Variants in ESRRG observed in about 807,000 individuals in gnomAD.
The protein encoded by ESRRG is estrogen related receptor gamma.
A neutral mutation model predicts 44.0 loss-of-function variants in ESRRG; 13 were observed. The ratio of observed to expected loss-of-function variants is 0.30; its 90% confidence interval spans 0.19 to 0.47. The LOEUF (loss-of-function observed/expected upper bound fraction) is 0.47. Among genes scored for constraint, ESRRG ranks in the 20% least tolerant of loss-of-function variants. The probability of loss-of-function intolerance (pLI) is 1.00; values close to 1 mark genes in which losing one functional copy is unlikely to be tolerated. For missense variants in ESRRG, 395 were observed against 580.6 expected, an observed-to-expected ratio of 0.68 and a Z score of 3.29; for synonymous variants, 215 against 214.6, an observed-to-expected ratio of 1.00 and a Z score of -0.02.
chr1:216,755,988 C>T (rs773259583), intron 2 of ESRRG, among the ~76,000 whole-genome samples: 1 of 151,992 alleles, frequency 6.6e-6, no homozygotes, highest in Non-Finnish European at 1.5e-5. Context: ...CTAACTTTCC[C>T]CCAGAAACCT....
chr1:216,590,932 A>G (rs2057548444), intron 3 of ESRRG, among the ~76,000 whole-genome samples: 1 of 152,176 alleles, frequency 6.6e-6, no homozygotes, highest in African/African-American at 2.4e-5. Context: ...CAACCCTGCG[A>G]TAAGGTGATG....
At chr1:216,516,551 AC>A (rs2044314752) in intron 6 of ESRRG, among the ~76,000 whole-genome samples, 1 of 151,868 alleles carries the variant, frequency 6.6e-6, no homozygotes, top group African/African-American at 2.4e-5. Context: ...AAGCTAAGAT[AC>A]CTACCTAAAT....
intron 3 of ESRRG, among the ~76,000 whole-genome samples, chr1:216,603,945 C>CAAAAAAAAAAAAAA (rs144012100): frequency 7.9e-6 from 1 of 127,364 alleles, no homozygotes. Context: ...AACAAAAAAA[C>CAAAAAAAAAAAAAA]AAAAAAAAAA....
chr1:216,915,370 C>A (rs2061020233), intron 2 of ESRRG, among the ~76,000 whole-genome samples: 1 of 152,204 alleles, frequency 6.6e-6, no homozygotes, highest in South Asian at 2.1e-4. Flanking sequence ...TATGCCACCA[C>A]AACCTAGGAA....
At chr1:216,559,348 C>T (rs1410547201) in intron 5 of ESRRG, among the ~76,000 whole-genome samples, 1 of 152,186 alleles carries the variant, frequency 6.6e-6, no homozygotes, top group Non-Finnish European at 1.5e-5. Context: ...TGTTTTAATT[C>T]ATTCATAGCA....
At chr1:216,948,086 T>C (rs1185769349) in intron 1 of ESRRG, among the ~76,000 whole-genome samples, 1 of 152,054 alleles carries the variant, frequency 6.6e-6, no homozygotes, top group African/African-American at 2.4e-5. Context: ...AAACTTTATG[T>C]GAAGGAAAAA....
At chr1:216,686,734 G>C (rs1218757325) in intron 1 of ESRRG, among the ~76,000 whole-genome samples, 1 of 152,142 alleles carries the variant, frequency 6.6e-6, no homozygotes, top group African/African-American at 2.4e-5. Context: ...AGGAGACATG[G>C]GTTCTAGCTC....
At chr1:217,033,633 C>T (rs1159246582) in intron 1 of ESRRG, among the ~76,000 whole-genome samples, 1 of 152,082 alleles carries the variant, frequency 6.6e-6, no homozygotes, top group African/African-American at 2.4e-5. Context: ...AGATGTATGG[C>T]ATGTACATTA....
chr1:216,624,652 C>A (rs369273067), intron 3 of ESRRG, among the ~76,000 whole-genome samples: 1 of 152,150 alleles, frequency 6.6e-6, no homozygotes, highest in Non-Finnish European at 1.5e-5. Flanking sequence ...CATAACCGAA[C>A]CTTCATCTTT....
At chr1:216,900,314 G>T (rs1281208097) in intron 2 of ESRRG, among the ~76,000 whole-genome samples, 5 of 152,132 alleles carry the variant, frequency 3.3e-5, no homozygotes, top group Non-Finnish European at 7.4e-5. Context: ...TTAGAGCTTT[G>T]CCAAAGACAA....
chr1:216,840,903 C>T (rs1221154166), intron 2 of ESRRG, among the ~76,000 whole-genome samples: 3 of 152,050 alleles, frequency 2.0e-5, no homozygotes, highest in Non-Finnish European at 2.9e-5. Context: ...GATCACCATA[C>T]AAGATATAAT....
chr1:216,532,058 T>G (rs886503720), intron 5 of ESRRG, among the ~76,000 whole-genome samples: 4 of 151,368 alleles, frequency 2.6e-5, no homozygotes, highest in Admixed American at 2.6e-4. Context: ...TTGAGTAGCA[T>G]GAACATTACC....
chr1:216,872,126 C>A lies in ESRRG; in HGVS notation c.-14+67456G>T, dbSNP rs116563925. On this transcript the variant is annotated intron_variant, in intron 2 of 7. Coordinates refer to the ESRRG transcript ENST00000359162. ...TTTCAGCACCTTAAAATATGTGTCA[C>A]TTCCTTCTACCCTCTATGGTTTCTG... Among the ~76,000 whole-genome samples the A allele has an allele frequency of 1.4e-3, 215 of 152,210 alleles. 1 individual carries two copies. The highest frequency in any genetic ancestry group is 4.9e-3 in the African/African-American group (202 of 41,546).
intron 1 of ESRRG, among the ~76,000 whole-genome samples, chr1:217,109,174 C>T (rs189248875): frequency 3.9e-5 from 6 of 152,196 alleles, no homozygotes; most frequent in Admixed American, 3.9e-4. Context: ...CACCAAGATG[C>T]TCAGGTATAA....
At chr1:216,947,626 T>C (rs2066256751) in intron 1 of ESRRG, among the ~76,000 whole-genome samples, 1 of 152,202 alleles carries the variant, frequency 6.6e-6, no homozygotes, top group African/African-American at 2.4e-5. Context: ...GAGGTGGTTT[T>C]ATTCCCCCTG....
chr1:216,769,625 A>G (rs2093292512), intron 2 of ESRRG, among the ~76,000 whole-genome samples: 1 of 152,124 alleles, frequency 6.6e-6, no homozygotes, highest in South Asian at 2.1e-4. Flanking sequence ...AAACAGTTAT[A>G]AGTTTACTTC....
intron 1 of ESRRG, among the ~76,000 whole-genome samples, chr1:217,020,631 G>A (rs2080146428): frequency 6.6e-6 from 1 of 152,110 alleles, no homozygotes; most frequent in Non-Finnish European, 1.5e-5. Context: ...TGTTCAAGGG[G>A]GGCAAGGACA....
intron 2 of ESRRG, among the ~76,000 whole-genome samples, chr1:216,673,267 C>A (rs1317481641): frequency 1.3e-5 from 2 of 152,204 alleles, no homozygotes; most frequent in Non-Finnish European, 2.9e-5. Flanking sequence ...AAAGGAGGGG[C>A]CGTTCCAATC....
intron 3 of ESRRG, among the ~76,000 whole-genome samples, chr1:216,646,086 A>T (rs542993406): frequency 7.9e-5 from 12 of 152,110 alleles, no homozygotes; most frequent in African/African-American, 2.2e-4. Context: ...AAGCTAAACC[A>T]GTAATTTTAA....
Sources: allele counts gnomAD v4.1 joint callset (sites outside exome capture counted in the v4.1 genomes callset), GRCh38; gene constraint gnomAD v4.1.1; transcripts MANE v1.5; gene names NCBI Gene and HGNC (gene_info 2026-07-23, HGNC 2026-07-21).